Variants in MLIP observed in about 807,000 individuals in gnomAD.
MLIP encodes muscular LMNA-interacting protein.
A neutral mutation model predicts 84.8 loss-of-function variants in MLIP; 79 were observed. The observed-to-expected ratio is 0.93, with a 90% confidence interval of 0.78 to 1.12. The LOEUF is 1.12. MLIP is among the 50% of genes most tolerant of loss of function. The probability of loss-of-function intolerance (pLI) is 0.00; values close to 1 mark genes in which losing one functional copy is unlikely to be tolerated. For synonymous variants in MLIP, 504 were observed against 463.0 expected (o/e 1.09, Z -1.14); for missense variants, 1,257 against 1,160.6 (o/e 1.08, Z -1.21).
chr6:54,224,572 TTTA>T (rs769340978), intron 11 of MLIP, among the ~76,000 whole-genome samples: 4 of 152,096 alleles, frequency 2.6e-5, no homozygotes, highest in East Asian at 1.9e-4. Context: ...GGGGAATTCT[TTTA>T]TTATTATTAT....
chr6:54,152,193 C>T (rs573719713), intron 5 of MLIP, among the ~76,000 whole-genome samples: 1 of 152,100 alleles, frequency 6.6e-6, no homozygotes, highest in African/African-American at 2.4e-5. Context: ...ATCATCTTCT[C>T]CAAGAATGAC....
At chr6:54,228,118 G>T (rs1780714096) in intron 11 of MLIP, among the ~76,000 whole-genome samples, 1 of 136,884 alleles carries the variant, frequency 7.3e-6, no homozygotes, top group Admixed American at 8.3e-5. Context: ...CGGAGGCGGA[G>T]CTTGCAGTGA....
intron 1 of MLIP, among the ~76,000 whole-genome samples, chr6:54,055,113 C>T (rs922957088): frequency 6.6e-6 from 1 of 152,096 alleles, no homozygotes; most frequent in Admixed American, 6.5e-5. Flanking sequence ...GTCTTGATCT[C>T]CTGACCTCGT....
chr6:54,151,081 G>T (rs1190119610), intron 5 of MLIP, among the ~76,000 whole-genome samples: 2 of 152,112 alleles, frequency 1.3e-5, no homozygotes, highest in Non-Finnish European at 2.9e-5. Flanking sequence ...ATAAGGGCTA[G>T]TGTAGGTTGT....
intron 1 of MLIP, among the ~76,000 whole-genome samples, chr6:54,044,639 T>TA (rs894038680): frequency 1.3e-5 from 2 of 152,022 alleles, no homozygotes; most frequent in Non-Finnish European, 2.9e-5. Context: ...GGTAGACGTT[T>TA]TTTTTTTTTT....
intron 9 of MLIP, among the ~76,000 whole-genome samples, chr6:54,170,116 A>T (rs1150883): frequency 6.6e-6 from 1 of 151,552 alleles, no homozygotes. Flanking sequence ...GTTAGACATA[A>T]ACCTGCATAG....
intron 9 of MLIP, among the ~76,000 whole-genome samples, chr6:54,186,822 G>A (rs1289889032): frequency 6.6e-6 from 1 of 152,038 alleles, no homozygotes; most frequent in Non-Finnish European, 1.5e-5. Flanking sequence ...GGGACACAAA[G>A]CCTGACCATA....
intron 5 of MLIP, among the ~76,000 whole-genome samples, chr6:54,149,834 G>A (rs1773252398): frequency 6.6e-6 from 1 of 152,096 alleles, no homozygotes; most frequent in Admixed American, 6.6e-5. Flanking sequence ...GAAGCCTCTT[G>A]TTTAATAAAT....
chr6:54,073,285 G>T (rs1766597025), intron 1 of MLIP, among the ~76,000 whole-genome samples: 1 of 152,162 alleles, frequency 6.6e-6, no homozygotes, highest in Admixed American at 6.5e-5. Context: ...TTTTCTGAAA[G>T]GACATTCCAT....
chr6:54,141,774 T>C (rs1561975959), intron 4 of MLIP, among the ~76,000 whole-genome samples: 1 of 152,196 alleles, frequency 6.6e-6, no homozygotes, highest in East Asian at 1.9e-4. Context: ...GTGGTCCATA[T>C]GGAAATTAGG....
intron 11 of MLIP, among the ~76,000 whole-genome samples, chr6:54,204,998 A>T (rs1364259178): frequency 6.6e-6 from 1 of 152,188 alleles, no homozygotes; most frequent in Non-Finnish European, 1.5e-5. Flanking sequence ...CCCTGGCCTT[A>T]TTCATTGACC....
intron 4 of MLIP, among the ~76,000 whole-genome samples, chr6:54,141,800 A>G (rs1015627639): frequency 2.6e-5 from 4 of 152,188 alleles, no homozygotes; most frequent in African/African-American, 7.2e-5. Context: ...CATTTCATCA[A>G]AGCCTCGTAG....
chr6:54,138,216 C>A lies in MLIP; in HGVS notation c.2147C>A (p.Thr716Lys), dbSNP rs369242278. The A allele has an allele frequency of 6.5e-7, 1 of 1,536,102 alleles. No individual in the cohort carries two copies. Among genetic ancestry groups the A allele is most frequent in the Non-Finnish European group, 8.7e-7 (1 of 1,146,878 alleles). ...VSTPSLPISL[T>K]RTEELISPCA... ...ACCCCATCACTTCCCATATCTCTAACAAGGACAGAGGAGCTGATTTCACCT... is the reference window on the plus strand; with the variant it reads ...ACCCCATCACTTCCCATATCTCTAAAAAGGACAGAGGAGCTGATTTCACCT... Residue 716 changes from threonine (T) to lysine (K), a missense_variant, in exon 4 of 14, where the codon ACA becomes AAA. Physicochemically the swap from Thr to Lys is moderately conservative, Grantham distance 78 (BLOSUM62 -1). Transcript: ENST00000502396.
rs142514797 is a variant in MLIP, at chr6:54,096,805, G to A, written c.64-24642G>A. ...GCAACATCCAGTTATTAATGATTTT[G>A]CAAACAATTCAAGAGACAGGACTAT... On this transcript the variant is annotated intron_variant, in intron 1 of 12. Coordinates refer to the MLIP transcript ENST00000274897. 8.9e-3 allele frequency among the ~76,000 whole-genome samples: 1,362 copies of A among 152,258 alleles called. 24 individuals are homozygous for A. The highest frequency in any genetic ancestry group is 0.03 in the African/African-American group (1,254 of 41,548).
intron 12 of MLIP, among the ~76,000 whole-genome samples, chr6:54,243,792 A>G (rs954163463): frequency 1.3e-5 from 2 of 152,124 alleles, no homozygotes; most frequent in African/African-American, 4.8e-5. Flanking sequence ...GGTCAAACCC[A>G]GCACCATATA....
At chr6:54,261,804 A>G in intron 13 of MLIP, 2 of 868,062 alleles carry the variant, frequency 2.3e-6, no homozygotes, top group Non-Finnish European at 2.8e-6. Flanking sequence ...CAAGAGAAAA[A>G]GGCCCACTCT....
At chr6:54,050,164 G>A (rs547364405) in intron 1 of MLIP, among the ~76,000 whole-genome samples, 2 of 152,090 alleles carry the variant, frequency 1.3e-5, no homozygotes, top group East Asian at 1.9e-4. Context: ...CTCATGTAAA[G>A]GATTAAGCCT....
intron 3 of MLIP, 101 bp downstream of exon 3, chr6:54,124,966 A>C (rs1055113697): frequency 6.1e-6 from 6 of 991,068 alleles, no homozygotes; most frequent in African/African-American, 1.6e-5. Flanking sequence ...GGCAGACAAA[A>C]CTTTCAAAGA....
chr6:54,154,535 A>G (rs1170812386), intron 5 of MLIP, among the ~76,000 whole-genome samples: 1 of 152,170 alleles, frequency 6.6e-6, no homozygotes, highest in Non-Finnish European at 1.5e-5. Flanking sequence ...GAAGCCAAGT[A>G]AATTCCCTAA....
Sources: allele counts gnomAD v4.1 joint callset (sites outside exome capture counted in the v4.1 genomes callset), GRCh38; gene constraint gnomAD v4.1.1; transcripts MANE v1.5; gene names NCBI Gene and HGNC (gene_info 2026-07-23, HGNC 2026-07-21).